The following PPIP5K2 variants were observed in gnomAD, a reference collection of about 807,000 sequenced individuals.
PPIP5K2 encodes diphosphoinositol pentakisphosphate kinase 2, also known as inositol hexakisphosphate and diphosphoinositol-pentakisphosphate kinase 2.
PPIP5K2 carries 105 observed loss-of-function variants against 154.6 expected under a neutral mutation model. That is an observed-to-expected ratio of 0.68 (90% CI 0.58 to 0.80). The LOEUF (loss-of-function observed/expected upper bound fraction) is 0.80, where lower values mean the gene tolerates loss of function less well. Among genes scored for constraint, PPIP5K2 ranks in the 30% least tolerant of loss-of-function variants. The pLI is 0.00. For synonymous variants in PPIP5K2, 480 were observed against 490.3 expected, an observed-to-expected ratio of 0.98 and a Z score of 0.28; for missense variants, 992 against 1,504.6, an observed-to-expected ratio of 0.66 and a Z score of 5.64.
At chr5:103,194,153 T>C (rs1023225912) in intron 29 of PPIP5K2, among the ~76,000 whole-genome samples, 1 of 152,160 alleles carries the variant, frequency 6.6e-6, no homozygotes, top group Non-Finnish European at 1.5e-5. Context: ...CAAAAACAGT[T>C]TGAGACTCTG....
Position 103,154,982 on chromosome 5 carries a change from T to C in PPIP5K2, c.1403+39T>C, listed in dbSNP as rs781882926. On this transcript the variant is annotated intron_variant, in intron 13 of 30. Transcript: ENST00000358359. ...TGAAACGCTTAATTGTGGTACTACA[T>C]ATAGCTCTTCTTTTTTATGTATGTG... 2.5e-6 allele frequency: 3 copies of C among 1,200,092 alleles called. No individual in the cohort carries two copies. The South Asian group carries it at 5.3e-5, about 21-fold the overall frequency. The allele number at this position is 1,200,092 out of a possible 1,614,324, so 74.3% of individuals were successfully genotyped here.
At chr5:103,163,884 A>G (rs1397272882) in intron 17 of PPIP5K2, among the ~76,000 whole-genome samples, 1 of 151,886 alleles carries the variant, frequency 6.6e-6, no homozygotes, top group Non-Finnish European at 1.5e-5. Context: ...TTTTGAATCT[A>G]TGTTCATGTC....
At position 103,201,847 on chromosome 5, in the gene PPIP5K2, G is replaced by A. The variant is rs184280703; in HGVS notation, c.*213G>A. ...AGCAAAACTTATAGTGATAAAAATC[G>A]ATTGTTGTTAATATGATGTTTACCA... On this transcript the variant is annotated 3_prime_UTR_variant, in exon 31 of 31. Coordinates refer to ENST00000358359, the MANE Select transcript of PPIP5K2 (RefSeq NM_001276277.3). 7.4e-5 allele frequency: 36 copies of A among 488,932 alleles called. No individual in the cohort carries two copies. The highest frequency in any genetic ancestry group is 1.3e-4 in the Non-Finnish European group (35 of 272,658). 30.3% of individuals were successfully genotyped at this position (488,932 alleles called of 1,614,324 possible). A position where few individuals can be genotyped will look rare whatever the true frequency, so the allele number is the denominator to read the frequency against.
intron 1 of PPIP5K2, among the ~76,000 whole-genome samples, chr5:103,124,506 T>C (rs1421931886): frequency 6.6e-6 from 1 of 152,150 alleles, no homozygotes; most frequent in Non-Finnish European, 1.5e-5. Flanking sequence ...GTGATGATGA[T>C]CAAATTACCT....
intron 2 of PPIP5K2, among the ~76,000 whole-genome samples, chr5:103,131,075 C>G (rs1790525797): frequency 6.6e-6 from 1 of 152,074 alleles, no homozygotes; most frequent in African/African-American, 2.4e-5. Context: ...CTTCCAAACC[C>G]TCCCCAGATT....
At chr5:103,176,555 G>T (rs1172871737) in intron 21 of PPIP5K2, among the ~76,000 whole-genome samples, 2 of 151,960 alleles carry the variant, frequency 1.3e-5, no homozygotes, top group African/African-American at 2.4e-5. Flanking sequence ...TACAGTCAAT[G>T]TGTGGTCTTA....
intron 21 of PPIP5K2, among the ~76,000 whole-genome samples, chr5:103,175,172 A>G (rs1158661308): frequency 6.6e-6 from 1 of 152,160 alleles, no homozygotes. Context: ...GGGCAGTGAC[A>G]TATATAGTGA....
At chr5:103,201,371 A>G (rs1802964246) in intron 30 of PPIP5K2, 151 bp from the exon 31 acceptor site, 2 of 549,994 alleles carry the variant, frequency 3.6e-6, no homozygotes, top group African/African-American at 2.0e-5. Flanking sequence ...CTGAAAAGTA[A>G]AAGGTTAAAA....
rs1801839796 is a variant in PPIP5K2 at position 103,194,961 on chromosome 5, A to C, written c.3555A>C (p.Thr1185=). 6.2e-7 allele frequency: 1 copy of C among 1,613,726 alleles called. No individual in the cohort carries two copies. The highest frequency in any genetic ancestry group is 8.5e-7 in the Non-Finnish European group (1 of 1,179,752). Residue 1185 remains threonine (T), a synonymous_variant, in exon 30 of 31, where the codon ACA becomes ACC. Transcript: ENST00000358359. The part of the protein sequence containing the change: ...MRKKVSLNTY[T]PAKILPTPPA... ...AAAAAGTATCTTTAAATACGTATAC[A>C]CCTGCAAAGATCCTCCCAACACCAC...
At position 103,212,401 on chromosome 5, in the gene PPIP5K2, G is replaced by A. The variant is rs1554232638; in HGVS notation, c.*10767G>A. ...GCATCCCAGGAGAGTTGTTGCCTGAGGAACTAGATGGTGGTATGTTATTCT... is the reference window on the plus strand; with the variant it reads ...GCATCCCAGGAGAGTTGTTGCCTGAAGAACTAGATGGTGGTATGTTATTCT... On this transcript the variant is annotated 3_prime_UTR_variant, in exon 31 of 31. Coordinates refer to ENST00000358359, the MANE Select transcript of PPIP5K2 (RefSeq NM_001276277.3). The A allele has an allele frequency of 1.3e-5, 2 of 152,170 alleles. No individual in the cohort carries two copies. The highest frequency in any genetic ancestry group is 4.8e-5 in the African/African-American group (2 of 41,426). The allele number at this position is 152,170 out of a possible 1,614,324, so 9.4% of individuals were successfully genotyped here.
At chr5:103,136,927 G>T (rs540662708) in intron 4 of PPIP5K2, 105 bp downstream of exon 4, 3 of 783,938 alleles carry the variant, frequency 3.8e-6, no homozygotes, top group Admixed American at 4.1e-5. Context: ...TTAATTCATT[G>T]TACTTTCAAA....
At chr5:103,129,253 A>G (rs1424791481) in intron 1 of PPIP5K2, 53 bp from the exon 2 acceptor site, 2 of 157,408 alleles carry the variant, frequency 1.3e-5, no homozygotes, top group East Asian at 1.8e-4. Context: ...TATTTTTTAC[A>G]TGAATGTTTT....
intron 1 of PPIP5K2, among the ~76,000 whole-genome samples, chr5:103,124,832 A>T (rs1347875805): frequency 6.6e-6 from 1 of 152,206 alleles, no homozygotes; most frequent in Non-Finnish European, 1.5e-5. Flanking sequence ...TGGTGAGACA[A>T]CATGTTGGGA....
In PPIP5K2 at chr5:103,159,269, G is replaced by T. The variant is rs144879681; in HGVS notation, c.1861G>T (p.Ala621Ser). 6 of 1,613,244 alleles carry T rather than the reference G, an allele frequency of 3.7e-6. No individual in the cohort carries two copies. The highest frequency in any genetic ancestry group is 5.1e-6 in the Non-Finnish European group (6 of 1,179,664). Reference protein sequence around the residue: ...SLSSCQQRVKARLHEILQKDR... With the variant: ...SLSSCQQRVKSRLHEILQKDR... ...GAGCAGTTGTCAGCAACGTGTGAAG[G>T]CAAGGCTTCATGAAATACTTCAGAA... The change falls in exon 17 of 31, where the codon GCA becomes TCA. Residue 621 changes from alanine to serine, a missense_variant. By Grantham distance (99) the Ala-to-Ser change is moderately conservative. Coordinates refer to ENST00000358359, the MANE Select transcript of PPIP5K2 (RefSeq NM_001276277.3).
At chr5:103,186,564 A>G in intron 27 of PPIP5K2, 125 bp downstream of exon 27, 1 of 1,357,676 alleles carries the variant, frequency 7.4e-7, no homozygotes, top group South Asian at 1.3e-5. Flanking sequence ...TCTTTTGCCT[A>G]AATGACTATC....
chr5:103,176,782 T>TAGA, intron 21 of PPIP5K2: 1 of 772,348 alleles, frequency 1.3e-6, no homozygotes, highest in Non-Finnish European at 2.0e-6. Context: ...CCTTTTCAGA[T>TAGA]AGAATTTTCT....
intron 8 of PPIP5K2, among the ~76,000 whole-genome samples, 188 bp from the exon 9 acceptor site, chr5:103,151,065 A>G (rs1423019793): frequency 6.6e-6 from 1 of 151,874 alleles, no homozygotes; most frequent in African/African-American, 2.4e-5. Flanking sequence ...TATAGCCTCT[A>G]TAATGTATTT....
At chr5:103,142,410 G>T (rs1489873098) in intron 5 of PPIP5K2, among the ~76,000 whole-genome samples, 1 of 152,100 alleles carries the variant, frequency 6.6e-6, no homozygotes, top group Non-Finnish European at 1.5e-5. Context: ...GTTCCCGCTC[G>T]CGCCTCTCCC....
intron 14 of PPIP5K2, among the ~76,000 whole-genome samples, chr5:103,156,252 C>T (rs1040545650): frequency 1.1e-4 from 16 of 152,062 alleles, no homozygotes; most frequent in African/African-American, 3.1e-4. Flanking sequence ...GGGATTGTTT[C>T]GGAAAACTTA....
Sources: gnomAD v4.1 joint callset for allele counts (sites outside exome capture counted in the v4.1 genomes callset) on GRCh38, gnomAD v4.1.1 for gene constraint, MANE v1.5 for transcripts, NCBI Gene and HGNC (gene_info 2026-07-23, HGNC 2026-07-21) for gene names.